Variants in SLC24A2 observed in about 807,000 individuals in gnomAD.
The protein encoded by SLC24A2 is solute carrier family 24 member 2, also known as sodium/potassium/calcium exchanger 2.
In SLC24A2, 36 loss-of-function variants were observed where a neutral mutation model predicts 62.0. The observed-to-expected ratio is 0.58, with a 90% confidence interval of 0.44 to 0.77. SLC24A2 has a LOEUF of 0.77. SLC24A2 is among the 30% of genes least tolerant of loss of function. The pLI is 0.00. For synonymous variants in SLC24A2, 358 were observed against 294.0 expected, an observed-to-expected ratio of 1.22 and a Z score of -2.23; for missense variants, 846 against 817.9, an observed-to-expected ratio of 1.03 and a Z score of -0.42.
At chr9:20,138,908 C>A in the SLC24A2 span, among the ~76,000 whole-genome samples, 1 of 152,176 alleles carries the variant, frequency 6.6e-6, no homozygotes, top group African/African-American at 2.4e-5. Context: ...AATTCAAAGT[C>A]TCTGCCTTTC....
At chr9:19,594,813 C>T (rs10964232) in intron 5 of SLC24A2, among the ~76,000 whole-genome samples, 6,316 of 152,158 alleles carry the variant, frequency 0.042, 374 homozygotes, top group East Asian at 0.3. Context: ...GGGAGAGACC[C>T]TTGAGAGTTT....
At chr9:20,083,707 A>G in the SLC24A2 span, among the ~76,000 whole-genome samples, 5 of 152,250 alleles carry the variant, frequency 3.3e-5, no homozygotes, top group African/African-American at 1.2e-4. Flanking sequence ...AGAAAAAAAT[A>G]AAACAACTCT....
Position 19,528,142 on chromosome 9 carries a change from A to G in SLC24A2, c.1480-4T>C. 1 of 1,556,050 alleles carries G rather than the reference A, an allele frequency of 6.4e-7. No homozygotes were observed. The highest frequency in any genetic ancestry group is 8.8e-7 in the Non-Finnish European group (1 of 1,140,414). Reference sequence around the variant, plus strand: ...TGGGAAAAAACTTCCTCGATGACTGAAAGACAACCAGGAAGAGTTGAGAAT... The same window carrying G: ...TGGGAAAAAACTTCCTCGATGACTGGAAGACAACCAGGAAGAGTTGAGAAT... On this transcript the variant is annotated splice_polypyrimidine_tract_variant and splice_region_variant and intron_variant, in intron 8 of 10. Transcript: ENST00000341998.
At chr9:20,119,388 A>C in the SLC24A2 span, among the ~76,000 whole-genome samples, 2 of 152,166 alleles carry the variant, frequency 1.3e-5, no homozygotes, top group Non-Finnish European at 2.9e-5. Context: ...ATTCTCAACA[A>C]AATTTAGAAA....
chr9:19,531,375 C>T (rs1833701247), intron 8 of SLC24A2, among the ~76,000 whole-genome samples: 1 of 152,146 alleles, frequency 6.6e-6, no homozygotes, highest in South Asian at 2.1e-4. Flanking sequence ...CAAGGTCTAA[C>T]ATGACAATTT....
chr9:20,122,412 C>T, the SLC24A2 span, among the ~76,000 whole-genome samples: 5 of 152,288 alleles, frequency 3.3e-5, no homozygotes, highest in African/African-American at 1.2e-4. Context: ...TTAGGCAGGG[C>T]ACGGTGGCTC....
chr9:20,220,220 T>C, the SLC24A2 span, among the ~76,000 whole-genome samples: 1 of 152,148 alleles, frequency 6.6e-6, no homozygotes, highest in Non-Finnish European at 1.5e-5. Context: ...ACCTATAACA[T>C]TGTCACATAG....
the SLC24A2 span, among the ~76,000 whole-genome samples, chr9:20,122,690 AAACAAAC>A: frequency 1.3e-5 from 2 of 152,262 alleles, no homozygotes; most frequent in East Asian, 1.9e-4. Context: ...TGTCTCGAAA[AAACAAAC>A]AACAAACAAC....
At chr9:19,669,725 C>G (rs1286983791) in intron 2 of SLC24A2, among the ~76,000 whole-genome samples, 1 of 152,210 alleles carries the variant, frequency 6.6e-6, no homozygotes, top group Non-Finnish European at 1.5e-5. Flanking sequence ...CAGAATCACT[C>G]CACTCTCCTC....
the SLC24A2 span, among the ~76,000 whole-genome samples, chr9:19,860,979 C>A: frequency 6.6e-6 from 1 of 152,124 alleles, no homozygotes; most frequent in East Asian, 1.9e-4. Flanking sequence ...CTGGATGGCA[C>A]CTCTGGACCC....
chr9:19,610,053 G>C (rs867053163), intron 4 of SLC24A2, among the ~76,000 whole-genome samples: 3 of 152,104 alleles, frequency 2.0e-5, no homozygotes, highest in African/African-American at 4.8e-5. Context: ...TGGGGGTTGG[G>C]GACCCCTGCT....
At chr9:20,214,415 A>G in the SLC24A2 span, among the ~76,000 whole-genome samples, 1 of 152,284 alleles carries the variant, frequency 6.6e-6, no homozygotes, top group Admixed American at 6.5e-5. Flanking sequence ...AGATAAGACC[A>G]TCCTGGCTAA....
chr9:19,734,511 T>C (rs1821442749), intron 2 of SLC24A2, among the ~76,000 whole-genome samples: 1 of 152,190 alleles, frequency 6.6e-6, no homozygotes, highest in Non-Finnish European at 1.5e-5. Flanking sequence ...ATTCTTCCTA[T>C]CCATGAGCAT....
intron 7 of SLC24A2, among the ~76,000 whole-genome samples, chr9:19,564,291 C>T (rs946086203): frequency 6.6e-6 from 1 of 152,178 alleles, no homozygotes; most frequent in Admixed American, 6.5e-5. Context: ...ACTCATTCTT[C>T]ACTTAGTGAC....
chr9:19,861,157 G>A, the SLC24A2 span, among the ~76,000 whole-genome samples: 1 of 152,160 alleles, frequency 6.6e-6, no homozygotes, highest in African/African-American at 2.4e-5. Flanking sequence ...GGCTTTATGT[G>A]TGATCCAGTA....
At chr9:20,132,776 A>T in the SLC24A2 span, among the ~76,000 whole-genome samples, 2 of 152,242 alleles carry the variant, frequency 1.3e-5, no homozygotes, top group East Asian at 3.9e-4. Context: ...AGGTTTTCTT[A>T]TGTTTTTAGG....
chr9:20,044,749 TTTTG>T, the SLC24A2 span, among the ~76,000 whole-genome samples: 1 of 152,178 alleles, frequency 6.6e-6, no homozygotes. Context: ...TATCCTATTT[TTTTG>T]TTTGTTTCTT....
At chr9:20,128,551 A>C in the SLC24A2 span, among the ~76,000 whole-genome samples, 24 of 152,132 alleles carry the variant, frequency 1.6e-4, no homozygotes, top group Non-Finnish European at 3.2e-4. Flanking sequence ...CAACATTCAA[A>C]AGGGAGCCCA....
At chr9:20,126,580 CAT>C in the SLC24A2 span, among the ~76,000 whole-genome samples, 1 of 152,128 alleles carries the variant, frequency 6.6e-6, no homozygotes, top group Non-Finnish European at 1.5e-5. Context: ...CACAATTGAA[CAT>C]ATTTTTCTTT....
Sources: allele counts gnomAD v4.1 joint callset (sites outside exome capture counted in the v4.1 genomes callset), GRCh38; gene constraint gnomAD v4.1.1; transcripts MANE v1.5; gene names NCBI Gene and HGNC (gene_info 2026-07-23, HGNC 2026-07-21).